SUCLG2: variants seen among roughly 807,000 people sequenced by gnomAD.
SUCLG2 encodes the protein succinate--CoA ligase [GDP-forming] subunit beta, mitochondrial.
A neutral mutation model predicts 47.9 loss-of-function variants in SUCLG2; 42 were observed. The observed-to-expected ratio is 0.88, with a 90% confidence interval of 0.69 to 1.14. The LOEUF (loss-of-function observed/expected upper bound fraction) is 1.14, where lower values mean the gene tolerates loss of function less well. Among genes scored for constraint, SUCLG2 ranks in the 50% most tolerant of loss-of-function variants. SUCLG2 has a pLI of 0.00. For synonymous variants in SUCLG2, 195 were observed against 197.3 expected, an observed-to-expected ratio of 0.99 and a Z score of 0.10; for missense variants, 571 against 525.9, an observed-to-expected ratio of 1.09 and a Z score of -0.84.
intron 9 of SUCLG2, among the ~76,000 whole-genome samples, chr3:67,458,753 G>A (rs1704253539): frequency 6.6e-6 from 1 of 152,134 alleles, no homozygotes; most frequent in African/African-American, 2.4e-5. Flanking sequence ...AGGAAGAGAC[G>A]GCTGAATGCA....
chr3:67,437,283 C>T (rs1321155512), intron 9 of SUCLG2, among the ~76,000 whole-genome samples: 1 of 152,072 alleles, frequency 6.6e-6, no homozygotes, highest in Non-Finnish European at 1.5e-5. Flanking sequence ...ACACAAGAGC[C>T]TGAACAACAA....
intron 9 of SUCLG2, among the ~76,000 whole-genome samples, chr3:67,458,941 A>C (rs138748908): frequency 6.6e-6 from 1 of 152,356 alleles, no homozygotes; most frequent in African/African-American, 2.4e-5. Flanking sequence ...ACACATGGTT[A>C]ATCACCTTTG....
At chr3:67,388,960 T>C (rs1032937467) in intron 10 of SUCLG2, among the ~76,000 whole-genome samples, 1 of 151,450 alleles carries the variant, frequency 6.6e-6, no homozygotes, top group South Asian at 2.1e-4. Flanking sequence ...TACCTGAGAG[T>C]TGGTATTGGG....
chr3:67,378,150 T>G (rs1414676020), intron 10 of SUCLG2, among the ~76,000 whole-genome samples: 1 of 152,250 alleles, frequency 6.6e-6, no homozygotes, highest in Non-Finnish European at 1.5e-5. Context: ...CATATGACTT[T>G]GTAAATGCTG....
intron 10 of SUCLG2, among the ~76,000 whole-genome samples, chr3:67,378,404 C>G (rs1349991827): frequency 6.6e-6 from 1 of 152,234 alleles, no homozygotes; most frequent in African/African-American, 2.4e-5. Context: ...CTGCTATGAG[C>G]TGCCCTCTGG....
chr3:67,393,998 C>T (rs2106797080), intron 10 of SUCLG2, among the ~76,000 whole-genome samples: 1 of 152,164 alleles, frequency 6.6e-6, no homozygotes, highest in South Asian at 2.1e-4. Context: ...ACAGAAAGGA[C>T]ATCCACACCA....
At chr3:67,621,881 C>T (rs1559600862) in intron 1 of SUCLG2, among the ~76,000 whole-genome samples, 2 of 152,180 alleles carry the variant, frequency 1.3e-5, no homozygotes, top group African/African-American at 2.4e-5. Context: ...AGAAAATGAA[C>T]TAAGACATGG....
chr3:67,460,111 G>GA (rs906967287), intron 9 of SUCLG2, among the ~76,000 whole-genome samples: 13 of 151,282 alleles, frequency 8.6e-5, no homozygotes, highest in Admixed American at 3.3e-4. Flanking sequence ...TATTAAGGAA[G>GA]AAAAAAAAAT....
chr3:67,492,225 G>A (rs1390755948), intron 9 of SUCLG2, among the ~76,000 whole-genome samples: 1 of 152,110 alleles, frequency 6.6e-6, no homozygotes, highest in Non-Finnish European at 1.5e-5. Context: ...GCTTATCTTT[G>A]GCCAACAGAG....
intron 2 of SUCLG2, among the ~76,000 whole-genome samples, chr3:67,550,096 A>T (rs978607799): frequency 1.3e-5 from 2 of 152,194 alleles, no homozygotes; most frequent in African/African-American, 2.4e-5. Context: ...TAATCCTCTG[A>T]TTGAACACCA....
chr3:67,525,606 A>G (rs1260299316), intron 4 of SUCLG2, among the ~76,000 whole-genome samples: 1 of 152,204 alleles, frequency 6.6e-6, no homozygotes, highest in Non-Finnish European at 1.5e-5. Flanking sequence ...CCTTGACCTA[A>G]GTCTCACAAC....
At chr3:67,442,139 T>C (rs933816732) in intron 9 of SUCLG2, among the ~76,000 whole-genome samples, 1 of 147,352 alleles carries the variant, frequency 6.8e-6, no homozygotes, top group Non-Finnish European at 1.5e-5. Context: ...GCCTCCCAAG[T>C]AGCTGGGACT....
chr3:67,517,249 C>T (rs908223185), intron 6 of SUCLG2, among the ~76,000 whole-genome samples: 3 of 152,148 alleles, frequency 2.0e-5, no homozygotes, highest in Admixed American at 1.3e-4. Flanking sequence ...TGTTTTATCC[C>T]TCTTTGACTT....
At chr3:67,571,076 A>G (rs1385527803) in intron 2 of SUCLG2, among the ~76,000 whole-genome samples, 1 of 152,166 alleles carries the variant, frequency 6.6e-6, no homozygotes, top group Non-Finnish European at 1.5e-5. Flanking sequence ...CCCTAAACAG[A>G]GTTAATCATA....
At chr3:67,478,466 T>C (rs959074008) in intron 9 of SUCLG2, among the ~76,000 whole-genome samples, 30 of 152,196 alleles carry the variant, frequency 2.0e-4, no homozygotes, top group African/African-American at 7.0e-4. Flanking sequence ...ACCCTTTCGG[T>C]TGGATAATTG....
intron 2 of SUCLG2, among the ~76,000 whole-genome samples, chr3:67,584,196 A>C (rs1707952161): frequency 6.6e-6 from 1 of 152,238 alleles, no homozygotes; most frequent in East Asian, 1.9e-4. Flanking sequence ...GTATCTATAC[A>C]ATGGAATACT....
intron 9 of SUCLG2, among the ~76,000 whole-genome samples, chr3:67,493,998 A>C (rs1201268421): frequency 6.6e-6 from 1 of 152,204 alleles, no homozygotes; most frequent in African/African-American, 2.4e-5. Flanking sequence ...GGAGAACTGA[A>C]GATAAGTGCT....
chr3:67,547,549 C>T (rs1559566835), intron 2 of SUCLG2, among the ~76,000 whole-genome samples: 1 of 152,136 alleles, frequency 6.6e-6, no homozygotes, highest in Non-Finnish European at 1.5e-5. Context: ...CATTGCCTCC[C>T]AGCAGGAGGT....
intron 9 of SUCLG2, among the ~76,000 whole-genome samples, chr3:67,412,782 A>G (rs760080592): frequency 5.9e-5 from 9 of 152,070 alleles, no homozygotes; most frequent in Non-Finnish European, 1.0e-4. Context: ...AACCCCACAT[A>G]TATTGTCATT....
Sources: allele counts gnomAD v4.1 joint callset (sites outside exome capture counted in the v4.1 genomes callset), GRCh38; gene constraint gnomAD v4.1.1; transcripts MANE v1.5; gene names NCBI Gene and HGNC (gene_info 2026-07-23, HGNC 2026-07-21).